The following MTCL1 variants were observed in gnomAD, a reference collection of about 807,000 sequenced individuals.
MTCL1 encodes microtubule crosslinking factor 1.
In MTCL1, 79 loss-of-function variants were observed where a neutral mutation model predicts 141.4. The ratio of observed to expected loss-of-function variants is 0.56; its 90% CI spans 0.47 to 0.67. The LOEUF (loss-of-function observed/expected upper bound fraction) is 0.67, where lower values mean the gene tolerates loss of function less well. MTCL1 is among the 30% of genes least tolerant of loss of function. The pLI is 0.00. For synonymous variants in MTCL1, 914 were observed against 875.8 expected (o/e 1.04, Z -0.77); for missense variants, 2,177 against 2,113.9 (o/e 1.03, Z -0.59).
rs879595081 is a variant in MTCL1 at position 8,823,023 on chromosome 18, CA to C, written c.3188+1538del. 2.3e-3 allele frequency among the ~76,000 whole-genome samples: 300 copies of C among 131,060 alleles called. 1 individual carries two copies. Among genetic ancestry groups the C allele is most frequent in the Non-Finnish European group, 2.9e-3 (174 of 60,548 alleles). 86.0% of individuals were successfully genotyped at this position (131,060 alleles called of 152,430 possible). A position where few individuals can be genotyped will look rare whatever the true frequency, so the allele number is the denominator to read the frequency against. On this transcript the variant is annotated intron_variant, in intron 14 of 16. Coordinates refer to ENST00000359865, the Ensembl canonical transcript of MTCL1. ...TGGGCGACAGAGTAAGACTCCGTCT[CA>C]AAAAAAAAAAAAGATAGATAGATAG...
intron 1 of MTCL1, among the ~76,000 whole-genome samples, 151 bp downstream of exon 1, chr18:8,706,864 A>C (rs62085573): frequency 6.6e-6 from 1 of 152,112 alleles, no homozygotes; most frequent in South Asian, 2.1e-4. Flanking sequence ...GGCATTGGCA[A>C]CTTAAGCCCA....
chr18:8,811,342 A>G (rs973177921), intron 11 of MTCL1: 14 of 152,254 alleles, frequency 9.2e-5, no homozygotes, highest in African/African-American at 3.4e-4. Flanking sequence ...GCCGCAGGGC[A>G]TGAATCTGTT....
chr18:8,829,086 C>T lies in MTCL1; in HGVS notation c.*18+122C>T. 1.1e-5 allele frequency: 17 copies of T among 1,554,388 alleles called. No individual in the cohort carries two copies. The South Asian group carries it at 1.7e-4, about 16-fold the overall frequency. On this transcript the variant is annotated intron_variant, in intron 16 of 16. Coordinates refer to ENST00000359865, the Ensembl canonical transcript of MTCL1. Reference sequence around the variant, plus strand: ...CCGGTGGCGGTACCCTCGCTCACCCCAAGTTCCAGGAGGTTCGCCTAAACC... The same window carrying T: ...CCGGTGGCGGTACCCTCGCTCACCCTAAGTTCCAGGAGGTTCGCCTAAACC...
rs762550637 is a variant in MTCL1, at chr18:8,797,562, A to G, written c.2242-535A>G. Among the ~76,000 whole-genome samples the G allele has an allele frequency of 3.0e-4, 46 of 152,324 alleles. No homozygotes were observed. In the South Asian group the frequency reaches 3.9e-3, roughly 13 times the overall value. ...GGCCAGCTGCTTCGAGGCATTGTGA[A>G]TACTTGGTTTCTTTTTAGCTCCCAA... On this transcript the variant is annotated intron_variant, in intron 9 of 16. Transcript: ENST00000359865.
chr18:8,792,505 T>C (rs2075767500), intron 7 of MTCL1, among the ~76,000 whole-genome samples: 1 of 145,360 alleles, frequency 6.9e-6, no homozygotes, highest in African/African-American at 2.6e-5. Context: ...AAAGACACCC[T>C]CGGTTGAGAA....
At chr18:8,729,358 T>A (rs1026820275) in intron 4 of MTCL1, among the ~76,000 whole-genome samples, 4 of 151,898 alleles carry the variant, frequency 2.6e-5, no homozygotes, top group African/African-American at 4.8e-5. Flanking sequence ...TGTTATATAT[T>A]TTTTTTCATT....
chr18:8,789,559 G>A (rs2075645945), intron 7 of MTCL1: 2 of 985,448 alleles, frequency 2.0e-6, no homozygotes, highest in Non-Finnish European at 2.4e-6. Flanking sequence ...CTCTATTGGG[G>A]AAGACATGGA....
intron 4 of MTCL1, among the ~76,000 whole-genome samples, chr18:8,747,749 C>A (rs1341508193): frequency 6.6e-6 from 1 of 152,218 alleles, no homozygotes; most frequent in Admixed American, 6.5e-5. Flanking sequence ...GCTGAGTAAG[C>A]CCTAAGGAAG....
chr18:8,706,941 C>A (rs565183303), intron 1 of MTCL1: 3 of 638,486 alleles, frequency 4.7e-6, no homozygotes, highest in Admixed American at 3.6e-5. Flanking sequence ...TCTTTTCTCG[C>A]GTCTAGAACT....
chr18:8,752,189 G>C (rs1208846138), intron 4 of MTCL1, among the ~76,000 whole-genome samples: 1 of 152,164 alleles, frequency 6.6e-6, no homozygotes. Context: ...CTGAGTATGA[G>C]ATAAAACTAA....
intron 11 of MTCL1, among the ~76,000 whole-genome samples, chr18:8,811,805 C>T (rs574979208): frequency 6.6e-6 from 1 of 152,104 alleles, no homozygotes; most frequent in Non-Finnish European, 1.5e-5. Flanking sequence ...ATGTGAAAGG[C>T]CTTCCTTTGA....
chr18:8,751,255 T>C (rs1169063299), intron 4 of MTCL1, among the ~76,000 whole-genome samples: 1 of 152,218 alleles, frequency 6.6e-6, no homozygotes, highest in Non-Finnish European at 1.5e-5. Flanking sequence ...GGACATAGCT[T>C]GTGTGTGTTC....
Position 8,826,349 on chromosome 18 carries a change from G to A in MTCL1, c.4722+117G>A. On this transcript the variant is annotated intron_variant, in intron 15 of 16. Coordinates refer to ENST00000359865, the Ensembl canonical transcript of MTCL1. ...TGATCTCAGGAATCGTCCATGATTGGTTATTGGGAGCTGGGGAGGTGTTAG... is the reference window on the plus strand; with the variant it reads ...TGATCTCAGGAATCGTCCATGATTGATTATTGGGAGCTGGGGAGGTGTTAG... 3 of 1,033,888 alleles carry A rather than the reference G, an allele frequency of 2.9e-6. No homozygotes were observed. The South Asian group carries it at 5.4e-5, about 19-fold the overall frequency. The allele number at this position is 1,033,888 out of a possible 1,614,324, so 64.0% of individuals were successfully genotyped here.
exon 2 of MTCL1, chr18:8,717,916 A>T (rs2096140311): frequency 1.0e-6 from 1 of 994,210 alleles, no homozygotes; most frequent in Non-Finnish European, 1.2e-6. Flanking sequence ...TCGCTTAGTC[A>T]ATGCTGAGAT....
intron 12 of MTCL1, among the ~76,000 whole-genome samples, chr18:8,818,387 C>T (rs886186871): frequency 5.9e-5 from 9 of 151,720 alleles, no homozygotes; most frequent in Non-Finnish European, 1.0e-4. Flanking sequence ...TCTTTACTTG[C>T]GTTATAGCTA....
At chr18:8,818,250 A>C (rs368563290) in intron 12 of MTCL1, among the ~76,000 whole-genome samples, 1 of 151,912 alleles carries the variant, frequency 6.6e-6, no homozygotes, top group South Asian at 2.1e-4. Flanking sequence ...GTTCCAACTC[A>C]GGTCTTCTAA....
chr18:8,773,920 T>C lies in MTCL1; in HGVS notation c.358-3913T>C, dbSNP rs968308024. On this transcript the variant is annotated intron_variant, in intron 4 of 16. Coordinates refer to ENST00000359865, the Ensembl canonical transcript of MTCL1. ...CGAACCATTGTATTGAATTTTTATA[T>C]CTAATAGCACAAATACTGTCATTAT... 2.6e-5 allele frequency among the ~76,000 whole-genome samples: 4 copies of C among 152,250 alleles called. No homozygotes were observed. The East Asian group carries it at 7.7e-4, about 29-fold the overall frequency.
At chr18:8,773,238 C>T (rs2096492091) in intron 4 of MTCL1, among the ~76,000 whole-genome samples, 1 of 152,136 alleles carries the variant, frequency 6.6e-6, no homozygotes, top group African/African-American at 2.4e-5. Flanking sequence ...GTTGCACCAC[C>T]ATCCCCCTGC....
chr18:8,717,382 G>C (rs1418721662), exon 1 of MTCL1: 2 of 152,372 alleles, frequency 1.3e-5, no homozygotes, highest in Non-Finnish European at 2.9e-5. Flanking sequence ...AGTGTTTTCA[G>C]AAGTGGGAAT....
Sources: gnomAD v4.1 joint callset for allele counts (sites outside exome capture counted in the v4.1 genomes callset) on GRCh38, gnomAD v4.1.1 for gene constraint, MANE v1.5 for transcripts, NCBI Gene and HGNC (gene_info 2026-07-23, HGNC 2026-07-21) for gene names.